Variants in PTPRK observed in about 807,000 individuals in gnomAD.
PTPRK encodes receptor-type tyrosine-protein phosphatase kappa.
Under a neutral mutation model 178.0 loss-of-function variants are expected in PTPRK, and 75 were observed. The ratio of observed to expected loss-of-function variants is 0.42; its 90% CI spans 0.35 to 0.51. PTPRK has a LOEUF of 0.51. Among genes scored for constraint, PTPRK ranks in the 20% least tolerant of loss-of-function variants. The probability of loss-of-function intolerance (pLI) is 0.02; values close to 1 mark genes in which losing one functional copy is unlikely to be tolerated. For missense variants in PTPRK, 1,441 were observed against 1,797.8 expected (o/e 0.80, Z 3.59); for synonymous variants, 637 against 620.6 (o/e 1.03, Z -0.39).
intron 3 of PTPRK, among the ~76,000 whole-genome samples, chr6:128,280,015 T>C (rs1408460419): frequency 6.6e-6 from 1 of 152,216 alleles, no homozygotes; most frequent in Non-Finnish European, 1.5e-5. Flanking sequence ...TTAAGGGTTT[T>C]TGATGTTTTC....
chr6:128,022,316 G>C (rs1014157248), intron 13 of PTPRK, among the ~76,000 whole-genome samples: 25 of 152,062 alleles, frequency 1.6e-4, no homozygotes, highest in African/African-American at 6.0e-4. Context: ...TTGGTAGCGG[G>C]GCTGGAAGGT....
At chr6:128,160,249 A>G (rs1798513138) in intron 7 of PTPRK, among the ~76,000 whole-genome samples, 1 of 151,750 alleles carries the variant, frequency 6.6e-6, no homozygotes. Flanking sequence ...CAAGGGGGAA[A>G]CTGATTCTTA....
intron 6 of PTPRK, among the ~76,000 whole-genome samples, chr6:128,193,280 GAAA>G (rs778872277): frequency 0.073 from 4,169 of 57,248 alleles, 134 homozygotes; most frequent in East Asian, 0.34. Context: ...TCCAGCTTGT[GAAA>G]AAAAAAAAAA....
intron 7 of PTPRK, among the ~76,000 whole-genome samples, chr6:128,090,552 T>C (rs898929541): frequency 6.6e-6 from 1 of 152,084 alleles, no homozygotes; most frequent in South Asian, 2.1e-4. Flanking sequence ...CAAGAACATA[T>C]GTAGATATTC....
intron 6 of PTPRK, 28 bp downstream of exon 6, chr6:128,218,894 T>C: frequency 6.3e-7 from 1 of 1,578,522 alleles, no homozygotes; most frequent in Non-Finnish European, 8.7e-7. Context: ...CCATGCAATT[T>C]CGTGAAGTGA....
intron 3 of PTPRK, among the ~76,000 whole-genome samples, chr6:128,304,428 C>T (rs928531803): frequency 3.9e-5 from 6 of 152,060 alleles, no homozygotes; most frequent in African/African-American, 9.7e-5. Context: ...ACACAAAACA[C>T]CCCTTTGGTT....
intron 3 of PTPRK, among the ~76,000 whole-genome samples, chr6:128,311,288 A>G (rs376605606): frequency 6.6e-6 from 1 of 152,168 alleles, no homozygotes; most frequent in East Asian, 1.9e-4. Context: ...GTGGATGTCC[A>G]GTAAATGCTG....
intron 4 of PTPRK, 142 bp from the exon 5 acceptor site, chr6:128,240,292 T>C (rs1814170778): frequency 1.6e-6 from 1 of 637,930 alleles, no homozygotes; most frequent in Non-Finnish European, 2.7e-6. Flanking sequence ...TGAGGGGCTT[T>C]TTTTGTGCCG....
chr6:127,995,453 A>C lies in PTPRK; in HGVS notation c.2844+9T>G, dbSNP rs766519402. ...TAAAGTAGACATACTTAACTATAAA[A>C]ATACTTACATCAATATAGTTGGCAT... On this transcript the variant is annotated intron_variant, in intron 18 of 29. Coordinates refer to ENST00000368226, the MANE Select transcript of PTPRK (RefSeq NM_002844.4). 28 of 1,564,652 alleles carry C rather than the reference A, an allele frequency of 1.8e-5. No homozygotes were observed. The highest frequency in any genetic ancestry group is 2.5e-5 in the Non-Finnish European group (28 of 1,142,524).
chr6:128,499,861 C>T (rs9491973), intron 1 of PTPRK, among the ~76,000 whole-genome samples: 42,238 of 152,026 alleles, frequency 0.28, 6,889 homozygotes, highest in African/African-American at 0.44. Context: ...GTCTGGTTTT[C>T]TTCCTTAAGC....
At chr6:128,487,045 TCAA>T (rs1853044970) in intron 1 of PTPRK, among the ~76,000 whole-genome samples, 1 of 150,296 alleles carries the variant, frequency 6.7e-6, no homozygotes, top group South Asian at 2.2e-4. Flanking sequence ...AAGCTAGCTC[TCAA>T]CAACAACTGA....
At chr6:128,242,233 A>G (rs1461041055) in intron 4 of PTPRK, among the ~76,000 whole-genome samples, 4 of 152,190 alleles carry the variant, frequency 2.6e-5, no homozygotes, top group African/African-American at 9.6e-5. Flanking sequence ...TGCCAAAAAA[A>G]TGAACAAGTC....
At chr6:128,124,262 T>C (rs1792965439) in intron 7 of PTPRK, among the ~76,000 whole-genome samples, 1 of 152,048 alleles carries the variant, frequency 6.6e-6, no homozygotes, top group African/African-American at 2.4e-5. Context: ...CAGGCTGGTC[T>C]CAAACACCTG....
rs377494597 is a variant in PTPRK at position 128,224,019 on chromosome 6, G to T, written c.694-4923C>A. On this transcript the variant is annotated intron_variant, in intron 5 of 29. Coordinates refer to ENST00000368226, the MANE Select transcript of PTPRK (RefSeq NM_002844.4). ...CTTCCAACGATTCATTAGAGCTAAA[G>T]GTAACAATTGAAAACATTTAAATTC... 3.3e-5 allele frequency among the ~76,000 whole-genome samples: 5 copies of T among 152,176 alleles called. No homozygotes were observed. In the East Asian group the frequency reaches 9.7e-4, roughly 29 times the overall value.
At chr6:128,206,075 T>A (rs1000953324) in intron 6 of PTPRK, among the ~76,000 whole-genome samples, 1 of 151,960 alleles carries the variant, frequency 6.6e-6, no homozygotes, top group Non-Finnish European at 1.5e-5. Flanking sequence ...TTACCATAGT[T>A]ACATATGGCA....
At chr6:128,325,382 C>A (rs1222299068) in intron 2 of PTPRK, among the ~76,000 whole-genome samples, 1 of 152,040 alleles carries the variant, frequency 6.6e-6, no homozygotes. Context: ...TCAGAGTGAA[C>A]AGGCAAACTA....
chr6:128,016,850 T>C (rs561058592), intron 13 of PTPRK, among the ~76,000 whole-genome samples: 1 of 127,200 alleles, frequency 7.9e-6, no homozygotes, highest in East Asian at 2.4e-4. Flanking sequence ...ATTGATCCAA[T>C]GATCTACACA....
intron 1 of PTPRK, among the ~76,000 whole-genome samples, chr6:128,466,690 T>G (rs1167715700): frequency 6.6e-6 from 1 of 152,184 alleles, no homozygotes; most frequent in Non-Finnish European, 1.5e-5. Context: ...TATACAATGT[T>G]GCACACAATA....
At chr6:128,282,948 G>T (rs548600891) in intron 3 of PTPRK, among the ~76,000 whole-genome samples, 3 of 152,126 alleles carry the variant, frequency 2.0e-5, no homozygotes, top group South Asian at 2.1e-4. Context: ...AGAGATTAGA[G>T]GGCAGAATAA....
Sources: allele counts gnomAD v4.1 joint callset (sites outside exome capture counted in the v4.1 genomes callset), GRCh38; gene constraint gnomAD v4.1.1; transcripts MANE v1.5; gene names NCBI Gene and HGNC (gene_info 2026-07-23, HGNC 2026-07-21).